RNASE3: variants seen among roughly 807,000 people sequenced by gnomAD.
The protein encoded by RNASE3 is ribonuclease A family member 3.
For missense variants in RNASE3, 192 were observed against 205.3 expected (o/e 0.94, Z 0.40); for synonymous variants, 66 against 72.0 (o/e 0.92, Z 0.42).
chr14:20,892,278 C>T lies in RNASE3; in HGVS notation c.*109C>T, dbSNP rs1270041138. On this transcript the variant is annotated 3_prime_UTR_variant, in exon 2 of 2. Transcript: ENST00000304639. ...GGTATCAGCAACTGTCCTCATCAGT[C>T]TCCATACCCCTTCAGCTTTCCTGAG... The T allele has an allele frequency of 7.0e-7, 1 of 1,425,672 alleles. No individual in the cohort carries two copies. The highest frequency in any genetic ancestry group is 2.3e-5 in the Admixed American group (1 of 44,292). 88.3% of individuals were successfully genotyped at this position (1,425,672 alleles called of 1,614,324 possible).
At position 20,891,784 on chromosome 14, in the gene RNASE3, C is replaced by CGAGG. The variant is rs1877563677; in HGVS notation, c.100_103dup (p.Ala35GlufsTer25). 1.2e-6 allele frequency: 2 copies of CGAGG among 1,612,850 alleles called. No individual in the cohort carries two copies. The highest frequency in any genetic ancestry group is 1.7e-6 in the Non-Finnish European group (2 of 1,180,012). ...CTCCATGCCAGACCCCCACAGTTTA[C>CGAGG]GAGGGCTCAGTGGTTTGCCATCCAG... On this transcript the variant is annotated frameshift_variant, in exon 2 of 2. Coordinates refer to ENST00000304639, the MANE Select transcript of RNASE3 (RefSeq NM_002935.3). LOFTEE classifies it low-confidence loss of function (END_TRUNC).
In RNASE3 at chr14:20,891,579, G is replaced by A. The variant is rs758097298; in HGVS notation, c.-5-103G>A. On this transcript the variant is annotated intron_variant, in intron 1 of 1. Coordinates refer to ENST00000304639, the MANE Select transcript of RNASE3 (RefSeq NM_002935.3). ...TGGGGACAGGAAGAAAAGGAAATGC[G>A]ACCCCAGAGTGGCAGCAGAGGGGCC... 33 of 1,454,386 alleles carry A rather than the reference G, an allele frequency of 2.3e-5. 1 individual carries two copies. Among genetic ancestry groups the A allele is most frequent in the Non-Finnish European group, 2.8e-5 (30 of 1,082,910 alleles). The allele number at this position is 1,454,386 out of a possible 1,614,324, so 90.1% of individuals were successfully genotyped here. A position where few individuals can be genotyped will look rare whatever the true frequency, so the allele number is the denominator to read the frequency against.
Position 20,892,131 on chromosome 14 carries a change from T to C in RNASE3, c.445T>C (p.Tyr149His), listed in dbSNP as rs1877579131. The C allele has an allele frequency of 1.9e-6, 3 of 1,612,250 alleles. No individual in the cohort carries two copies. The highest frequency in any genetic ancestry group is 2.2e-5 in the South Asian group (2 of 91,038). ...CAGAGATCCACGGGATTCTCCACGG[T>C]ATCCTGTGGTTCCAGTTCACCTGGA... ...DNRDPRDSPRYPVVPVHLDTT... is the reference protein window; with the variant it reads ...DNRDPRDSPRHPVVPVHLDTT... Residue 149 changes from tyrosine to histidine, a missense_variant, in exon 2 of 2, where the codon TAT becomes CAT. Coordinates refer to ENST00000304639, the MANE Select transcript of RNASE3 (RefSeq NM_002935.3).
At chr14:20,891,592 C>A in intron 1 of RNASE3, 90 bp from the exon 2 acceptor site, 1 of 1,491,470 alleles carries the variant, frequency 6.7e-7, no homozygotes, top group Non-Finnish European at 9.0e-7. Context: ...CCCAGAGTGG[C>A]AGCAGAGGGG....
rs765024971 is a variant in RNASE3 at position 20,892,106 on chromosome 14, C to T, written c.420C>T (p.Asn140=). 4.3e-6 allele frequency: 7 copies of T among 1,612,504 alleles called. No individual in the cohort carries two copies. The highest frequency in any genetic ancestry group is 1.7e-5 in the Admixed American group (1 of 59,960). Residue 140 remains asparagine (N), a synonymous_variant, in exon 2 of 2, where the codon AAC becomes AAT. Transcript: ENST00000304639. ...GGTTCTATGTAGTTGCATGTGACAA[C>T]AGAGATCCACGGGATTCTCCACGGT... is the stretch of plus-strand genomic sequence containing the variant. ...GRRFYVVACD[N]RDPRDSPRYP...
rs377611699 is a variant in RNASE3, at chr14:20,892,218, A to G, written c.*49A>G. ...CATCACTCATCTGCCAAGCTCCTCA[A>G]TCATAGCCAAGATCCCATCCCTCCA... is the stretch of plus-strand genomic sequence containing the variant. On this transcript the variant is annotated 3_prime_UTR_variant, in exon 2 of 2. Transcript: ENST00000304639. The G allele has an allele frequency of 3.2e-6, 5 of 1,568,744 alleles. No homozygotes were observed. The African/African-American group carries it at 5.5e-5, about 17-fold the overall frequency.
Position 20,891,661 on chromosome 14 carries a change from ACTTCT to A in RNASE3, c.-5-15_-5-11del. The A allele has an allele frequency of 6.3e-7, 1 of 1,596,632 alleles. No homozygotes were observed. Among genetic ancestry groups the A allele is most frequent in the Non-Finnish European group, 8.5e-7 (1 of 1,173,198 alleles). ...ACCGAGACCGGATCGGGGAGTAGTTACTTCTCTTCTTTTCTTACAGGAAACATGGT... is the reference window on the plus strand; with the variant it reads ...ACCGAGACCGGATCGGGGAGTAGTTACTTCTTTTCTTACAGGAAACATGGT... On this transcript the variant is annotated splice_polypyrimidine_tract_variant and intron_variant, in intron 1 of 1. Transcript: ENST00000304639.
At position 20,891,816 on chromosome 14, in the gene RNASE3, A is replaced by C. The variant is rs749325429; in HGVS notation, c.130A>C (p.Ser44Arg). The C allele has an allele frequency of 1.4e-5, 22 of 1,612,956 alleles. No individual in the cohort carries two copies. The highest frequency in any genetic ancestry group is 1.8e-5 in the Non-Finnish European group (21 of 1,180,032). ...RAQWFAIQHISLNPPRCTIAM... is the reference protein window; with the variant it reads ...RAQWFAIQHIRLNPPRCTIAM... ...TCAGTGGTTTGCCATCCAGCACATC[A>C]GTCTGAACCCCCCTCGATGCACCAT... Residue 44 changes from serine (S) to arginine (R), a missense_variant, in exon 2 of 2, where the codon AGT becomes CGT. Coordinates refer to ENST00000304639, the MANE Select transcript of RNASE3 (RefSeq NM_002935.3).
Position 20,891,905 on chromosome 14 carries a change from A to C in RNASE3, c.219A>C (p.Thr73=). The C allele has an allele frequency of 6.2e-7, 1 of 1,612,864 alleles. No individual in the cohort carries two copies. Among genetic ancestry groups the C allele is most frequent in the Non-Finnish European group, 8.5e-7 (1 of 1,180,026 alleles). The change falls in exon 2 of 2, where the codon ACA becomes ACC. Residue 73 remains threonine, a synonymous_variant. Coordinates refer to ENST00000304639, the MANE Select transcript of RNASE3 (RefSeq NM_002935.3). ...RCKNQNTFLR[T]TFANVVNVCG... ...AAAACCAAAATACTTTTCTTCGTAC[A>C]ACTTTTGCTAATGTAGTTAATGTTT...
chr14:20,891,997 G>A lies in RNASE3; in HGVS notation c.311G>A (p.Arg104Gln), dbSNP rs200391742. The change falls in exon 2 of 2, where the codon CGG becomes CAG. Residue 104 changes from arginine to glutamine, a missense_variant. Physicochemically the swap from Arg to Gln is conservative, Grantham distance 43 (BLOSUM62 1). Transcript: ENST00000304639. ...TLNNCHRSRFRVPLLHCDLIN... is the reference protein window; with the variant it reads ...TLNNCHRSRFQVPLLHCDLIN... Reference sequence around the variant, plus strand: ...AACAATTGTCATCGGAGTAGATTCCGGGTGCCTTTACTCCACTGTGACCTC... The same window carrying A: ...AACAATTGTCATCGGAGTAGATTCCAGGTGCCTTTACTCCACTGTGACCTC... 5.9e-5 allele frequency: 95 copies of A among 1,612,718 alleles called. 1 individual carries two copies. The highest frequency in any genetic ancestry group is 5.8e-4 in the East Asian group (26 of 44,890).
chr14:20,891,510 G>A, intron 1 of RNASE3, 59 bp downstream of exon 1: 1 of 821,204 alleles, frequency 1.2e-6, no homozygotes, highest in Non-Finnish European at 1.9e-6. Flanking sequence ...AGCACCTGAG[G>A]GAGAGGTGAG....
chr14:20,891,720 C>G lies in RNASE3; in HGVS notation c.34C>G (p.Leu12Val), dbSNP rs1594303691. 4 of 1,611,312 alleles carry G rather than the reference C, an allele frequency of 2.5e-6. No homozygotes were observed. Among genetic ancestry groups the G allele is most frequent in the East Asian group, 2.2e-5 (1 of 44,866 alleles). The change falls in exon 2 of 2, where the codon CTG becomes GTG. Residue 12 changes from leucine (L) to valine (V), a missense_variant. Transcript: ENST00000304639. ...VPKLFTSQIC[L>V]LLLLGLMGVE... The stretch of plus-strand genomic sequence containing the variant: ...AAAACTGTTCACTTCCCAAATTTGT[C>G]TGCTTCTTCTGTTGGGGCTTATGGG...
rs935899090 is a variant in RNASE3 at position 20,892,272 on chromosome 14, A to G, written c.*103A>G. 9 of 1,459,466 alleles carry G rather than the reference A, an allele frequency of 6.2e-6. No homozygotes were observed. In the African/African-American group the frequency reaches 8.8e-5, roughly 14 times the overall value. 90.4% of individuals were successfully genotyped at this position (1,459,466 alleles called of 1,614,324 possible). On this transcript the variant is annotated 3_prime_UTR_variant, in exon 2 of 2. Coordinates refer to ENST00000304639, the MANE Select transcript of RNASE3 (RefSeq NM_002935.3). ...ACTCTGGGTATCAGCAACTGTCCTCATCAGTCTCCATACCCCTTCAGCTTT... is the reference window on the plus strand; with the variant it reads ...ACTCTGGGTATCAGCAACTGTCCTCGTCAGTCTCCATACCCCTTCAGCTTT...
Position 20,891,991 on chromosome 14 carries a change from G to C in RNASE3, c.305G>C (p.Arg102Thr), listed in dbSNP as rs746822072. Residue 102 changes from arginine to threonine, a missense_variant, in exon 2 of 2, where the codon AGA (arginine) becomes ACA (threonine). Arg to Thr is a moderately conservative substitution (Grantham distance 71). Transcript: ENST00000304639. The part of the protein sequence containing the change: ...NRTLNNCHRS[R>T]FRVPLLHCDL... ...ACTCTCAACAATTGTCATCGGAGTA[G>C]ATTCCGGGTGCCTTTACTCCACTGT... 6 of 1,612,948 alleles carry C rather than the reference G, an allele frequency of 3.7e-6. No homozygotes were observed. The highest frequency in any genetic ancestry group is 5.1e-6 in the Non-Finnish European group (6 of 1,180,004).
At position 20,891,934 on chromosome 14, in the gene RNASE3, G is replaced by T. The variant is rs1208637182; in HGVS notation, c.248G>T (p.Gly83Val). 6.2e-7 allele frequency: 1 copy of T among 1,612,858 alleles called. No individual in the cohort carries two copies. The highest frequency in any genetic ancestry group is 8.5e-7 in the Non-Finnish European group (1 of 1,180,026). ...TTTGCTAATGTAGTTAATGTTTGTGGTAACCAAAGTATACGCTGCCCTCAT... is the reference window on the plus strand; with the variant it reads ...TTTGCTAATGTAGTTAATGTTTGTGTTAACCAAAGTATACGCTGCCCTCAT... ...TTFANVVNVCGNQSIRCPHNR... is the reference protein window; with the variant it reads ...TTFANVVNVCVNQSIRCPHNR... Residue 83 changes from glycine to valine, a missense_variant, in exon 2 of 2, where the codon GGT becomes GTT. By Grantham distance (109) the Gly-to-Val change is moderately radical (BLOSUM62 -3). Coordinates refer to ENST00000304639, the MANE Select transcript of RNASE3 (RefSeq NM_002935.3).
At chr14:20,891,506 T>C (rs1416832766) in intron 1 of RNASE3, 55 bp downstream of exon 1, 5 of 801,522 alleles carry the variant, frequency 6.2e-6, no homozygotes, top group Non-Finnish European at 7.9e-6. Flanking sequence ...GGGCAGCACC[T>C]GAGGGAGAGG....
intron 1 of RNASE3, 70 bp from the exon 2 acceptor site, chr14:20,891,612 T>G: frequency 8.5e-6 from 13 of 1,526,154 alleles, no homozygotes; most frequent in Non-Finnish European, 1.1e-5. Context: ...GCCTGTGGGT[T>G]GAGACACTAT....
In RNASE3 at chr14:20,892,285, C is replaced by A. The variant is rs528587048; in HGVS notation, c.*116C>A. On this transcript the variant is annotated 3_prime_UTR_variant, in exon 2 of 2. Coordinates refer to ENST00000304639, the MANE Select transcript of RNASE3 (RefSeq NM_002935.3). ...GCAACTGTCCTCATCAGTCTCCATA[C>A]CCCTTCAGCTTTCCTGAGCTGAAGT... 8.6e-6 allele frequency: 12 copies of A among 1,399,528 alleles called. No individual in the cohort carries two copies. In the African/African-American group the frequency reaches 1.6e-4, roughly 19 times the overall value. The allele number at this position is 1,399,528 out of a possible 1,614,324, so 86.7% of individuals were successfully genotyped here. A position where few individuals can be genotyped will look rare whatever the true frequency, so the allele number is the denominator to read the frequency against.
rs779933714 is a variant in RNASE3, at chr14:20,891,985, G to A, written c.299G>A (p.Arg100Gln). ...AACAGAACTCTCAACAATTGTCATC[G>A]GAGTAGATTCCGGGTGCCTTTACTC... is the stretch of plus-strand genomic sequence containing the variant. ...PHNRTLNNCH[R>Q]SRFRVPLLHC... Residue 100 changes from arginine to glutamine, a missense_variant, in exon 2 of 2, where the codon CGG becomes CAG. Transcript: ENST00000304639. 2.4e-5 allele frequency: 39 copies of A among 1,612,772 alleles called. 1 individual carries two copies. The highest frequency in any genetic ancestry group is 4.5e-5 in the East Asian group (2 of 44,892).
Sources: allele counts gnomAD v4.1 joint callset, GRCh38; gene constraint gnomAD v4.1.1; transcripts MANE v1.5; gene names NCBI Gene and HGNC (gene_info 2026-07-23, HGNC 2026-07-21).